The following TTC28 variants were observed in gnomAD, a reference collection of about 807,000 sequenced individuals.
TTC28 encodes the protein tetratricopeptide repeat protein 28.
TTC28 carries 61 observed loss-of-function variants against 198.0 expected under a neutral mutation model. The observed-to-expected ratio is 0.31, with a 90% CI of 0.25 to 0.38. The LOEUF (loss-of-function observed/expected upper bound fraction) is 0.38. TTC28 is among the 10% of genes least tolerant of loss of function. The pLI, the probability that TTC28 is intolerant of heterozygous loss-of-function variation, is 1.00. For synonymous variants in TTC28, 1,171 were observed against 1,297.8 expected (o/e 0.90, Z 2.10); for missense variants, 2,678 against 3,164.0 (o/e 0.85, Z 3.69).
chr22:28,485,145 T>C (rs962972165), intron 2 of TTC28, among the ~76,000 whole-genome samples: 1 of 152,190 alleles, frequency 6.6e-6, no homozygotes, highest in East Asian at 1.9e-4. Context: ...TGTGAGTGAA[T>C]GAAATGATCC....
chr22:28,347,556 C>T (rs963158023), intron 2 of TTC28, among the ~76,000 whole-genome samples: 6 of 152,112 alleles, frequency 3.9e-5, no homozygotes, highest in Non-Finnish European at 7.3e-5. Context: ...GCAGGTAAGG[C>T]GCACTGAAAA....
chr22:28,336,531 A>G (rs942589142), intron 2 of TTC28, among the ~76,000 whole-genome samples: 1 of 152,170 alleles, frequency 6.6e-6, no homozygotes, highest in Non-Finnish European at 1.5e-5. Context: ...TTATTGGTCT[A>G]TTCAGAGATT....
intron 6 of TTC28, among the ~76,000 whole-genome samples, chr22:28,152,681 A>G (rs1443196379): frequency 6.6e-6 from 1 of 152,260 alleles, no homozygotes; most frequent in African/African-American, 2.4e-5. Flanking sequence ...GAGGTTATTT[A>G]GAATATGACC....
intron 2 of TTC28, among the ~76,000 whole-genome samples, chr22:28,335,127 C>T (rs890020530): frequency 4.6e-5 from 7 of 152,156 alleles, no homozygotes; most frequent in Non-Finnish European, 1.0e-4. Context: ...TTCCCCATTG[C>T]TTGTTTTTGT....
Position 28,020,970 on chromosome 22 carries a change from C to G in TTC28, c.4074-6578G>C, listed in dbSNP as rs1009777627. Among the ~76,000 whole-genome samples the G allele has an allele frequency of 2.0e-5, 3 of 152,148 alleles. No individual in the cohort carries two copies. In the South Asian group the frequency reaches 6.2e-4, roughly 32 times the overall value. ...CTGCGAGGCAGGCTCTCACCTCAAC[C>G]CACTCTGCTCTGTCACCCCTCACCT... On this transcript the variant is annotated intron_variant, in intron 13 of 22. Coordinates refer to ENST00000397906, the MANE Select transcript of TTC28 (RefSeq NM_001145418.2).
rs556066813 is a variant in TTC28, at chr22:28,536,353, G to A, written c.381+93199C>T. On this transcript the variant is annotated intron_variant, in intron 2 of 22. Transcript: ENST00000397906. ...AAACTACTTAGAGGCGGCCGGGCGCGGTGGCTCACGCCTGTAATCCCAGCA... is the reference window on the plus strand; with the variant it reads ...AAACTACTTAGAGGCGGCCGGGCGCAGTGGCTCACGCCTGTAATCCCAGCA... 5.3e-3 allele frequency among the ~76,000 whole-genome samples: 802 copies of A among 152,010 alleles called. 17 individuals are homozygous for A. Among genetic ancestry groups the A allele is most frequent in the Admixed American group, 5.8e-3 (88 of 15,240 alleles).
chr22:28,087,558 C>T (rs553678305), intron 12 of TTC28, among the ~76,000 whole-genome samples: 98 of 152,250 alleles, frequency 6.4e-4, no homozygotes, highest in African/African-American at 2.3e-3. Flanking sequence ...CAATATCATA[C>T]TGAATGGCCA....
intron 5 of TTC28, among the ~76,000 whole-genome samples, chr22:28,188,942 T>C (rs1569186280): frequency 3.3e-5 from 5 of 151,964 alleles, no homozygotes; most frequent in Admixed American, 2.0e-4. Context: ...CAAAGATTAC[T>C]AGACATTTGA....
At chr22:28,299,818 C>A (rs941561786) in intron 3 of TTC28, among the ~76,000 whole-genome samples, 1 of 152,166 alleles carries the variant, frequency 6.6e-6, no homozygotes, top group African/African-American at 2.4e-5. Flanking sequence ...GAACACACTG[C>A]AGGGCTCTAA....
intron 2 of TTC28, among the ~76,000 whole-genome samples, chr22:28,569,857 C>T (rs2050034030): frequency 6.6e-6 from 1 of 151,638 alleles, no homozygotes; most frequent in South Asian, 2.1e-4. Flanking sequence ...CTTAAATCAA[C>T]AAGCAACAAC....
At chr22:28,138,704 C>T (rs1943257497) in intron 6 of TTC28, among the ~76,000 whole-genome samples, 1 of 152,166 alleles carries the variant, frequency 6.6e-6, no homozygotes, top group Admixed American at 6.5e-5. Context: ...ACCCCACAGG[C>T]AGTACGTGAG....
intron 1 of TTC28, among the ~76,000 whole-genome samples, chr22:28,638,333 TAA>T (rs1032098511): frequency 2.9e-4 from 44 of 152,026 alleles, no homozygotes; most frequent in Admixed American, 6.6e-4. Flanking sequence ...GTAATTCAAA[TAA>T]TTAAATATTT....
chr22:28,423,593 TA>T (rs1305765761), intron 2 of TTC28, among the ~76,000 whole-genome samples: 2 of 152,138 alleles, frequency 1.3e-5, no homozygotes, highest in Non-Finnish European at 2.9e-5. Flanking sequence ...GGCATGCAAA[TA>T]AACTCTAAAG....
At chr22:28,443,717 C>T (rs937131035) in intron 2 of TTC28, among the ~76,000 whole-genome samples, 2 of 152,112 alleles carry the variant, frequency 1.3e-5, no homozygotes, top group African/African-American at 4.8e-5. Flanking sequence ...ACAGAGCAAA[C>T]GGTTTCTGGG....
chr22:28,298,222 C>T (rs1072967), intron 3 of TTC28, among the ~76,000 whole-genome samples: 8,759 of 152,274 alleles, frequency 0.058, 369 homozygotes, highest in South Asian at 0.14. Context: ...CCTCCTCTGG[C>T]ATACATTAAT....
At chr22:28,583,863 C>G (rs1007583682) in intron 2 of TTC28, among the ~76,000 whole-genome samples, 1 of 152,044 alleles carries the variant, frequency 6.6e-6, no homozygotes, top group Admixed American at 6.6e-5. Context: ...CCCAAAAAAG[C>G]AGATGGGTCA....
chr22:28,446,295 G>A (rs963614687), intron 2 of TTC28, among the ~76,000 whole-genome samples: 4 of 152,064 alleles, frequency 2.6e-5, no homozygotes, highest in Admixed American at 2.0e-4. Context: ...GATGGAGAAT[G>A]AATAGTGAAT....
chr22:28,165,325 G>A (rs1419648928), intron 5 of TTC28, among the ~76,000 whole-genome samples: 1 of 152,074 alleles, frequency 6.6e-6, no homozygotes, highest in Non-Finnish European at 1.5e-5. Context: ...GAAATACAGA[G>A]AACACCACAA....
intron 18 of TTC28, chr22:27,993,075 C>T (rs1240777467): frequency 3.4e-6 from 2 of 595,630 alleles, no homozygotes; most frequent in African/African-American, 3.7e-5. Context: ...GCGCAGATGC[C>T]TGCCATCACA....
Sources: gnomAD v4.1 joint callset for allele counts (sites outside exome capture counted in the v4.1 genomes callset) on GRCh38, gnomAD v4.1.1 for gene constraint, MANE v1.5 for transcripts, NCBI Gene and HGNC (gene_info 2026-07-23, HGNC 2026-07-21) for gene names.